UNC13C: variants seen among roughly 807,000 people sequenced by gnomAD.
The protein encoded by UNC13C is protein unc-13 homolog C.
UNC13C carries 174 observed loss-of-function variants against 245.4 expected under a neutral mutation model. The ratio of observed to expected loss-of-function variants is 0.71; its 90% CI spans 0.63 to 0.80. UNC13C has a LOEUF of 0.80. Among genes scored for constraint, UNC13C ranks in the 30% least tolerant of loss-of-function variants. UNC13C has a pLI of 0.00. For missense variants in UNC13C, 2,829 were observed against 2,602.9 expected (o/e 1.09, Z -1.89); for synonymous variants, 992 against 895.1 (o/e 1.11, Z -1.93).
intron 2 of UNC13C, among the ~76,000 whole-genome samples, chr15:54,081,637 A>C (rs910317171): frequency 6.6e-6 from 1 of 151,580 alleles, no homozygotes; most frequent in Admixed American, 6.6e-5. Context: ...TTCCATTTGC[A>C]TGAGAGATCT....
chr15:54,247,477 A>C (rs919243200), intron 7 of UNC13C, among the ~76,000 whole-genome samples: 3 of 152,212 alleles, frequency 2.0e-5, no homozygotes, highest in African/African-American at 7.2e-5. Context: ...TTCCTAAACT[A>C]TCAACTCAAC....
At chr15:54,246,563 T>C (rs1295576060) in intron 7 of UNC13C, among the ~76,000 whole-genome samples, 1 of 152,216 alleles carries the variant, frequency 6.6e-6, no homozygotes, top group Non-Finnish European at 1.5e-5. Flanking sequence ...TTTTATAAAT[T>C]ATTTTTACAA....
chr15:54,001,371 T>G (rs1441603353), intron 1 of UNC13C, among the ~76,000 whole-genome samples: 2 of 143,202 alleles, frequency 1.4e-5, no homozygotes, highest in African/African-American at 6.1e-5. Context: ...AGCTCCTGTC[T>G]GGGAATTTAA....
the UNC13C span, among the ~76,000 whole-genome samples, chr15:53,858,842 A>G: frequency 6.6e-6 from 1 of 152,118 alleles, no homozygotes; most frequent in Non-Finnish European, 1.5e-5. Flanking sequence ...TCATTTTAAT[A>G]CTCAAAATAT....
At chr15:54,150,306 G>A (rs2141249096) in intron 4 of UNC13C, among the ~76,000 whole-genome samples, 1 of 152,322 alleles carries the variant, frequency 6.6e-6, no homozygotes, top group South Asian at 2.1e-4. Context: ...CTTGGCCAGT[G>A]TTGGGCACAA....
At chr15:54,126,383 C>T (rs574624508) in intron 2 of UNC13C, among the ~76,000 whole-genome samples, 78 of 152,134 alleles carry the variant, frequency 5.1e-4, no homozygotes, top group African/African-American at 1.7e-3. Flanking sequence ...CAAAGAGGCA[C>T]ATTATATAAT....
intron 19 of UNC13C, among the ~76,000 whole-genome samples, chr15:54,446,348 G>A (rs1890813326): frequency 6.6e-6 from 1 of 152,176 alleles, no homozygotes; most frequent in Admixed American, 6.5e-5. Flanking sequence ...TTGGTACCTT[G>A]TTGGGGATGG....
chr15:53,975,772 G>C (rs1218293658), upstream of UNC13C, among the ~76,000 whole-genome samples: 1 of 152,200 alleles, frequency 6.6e-6, no homozygotes, highest in Non-Finnish European at 1.5e-5. Context: ...GGGTATGAGA[G>C]GTGAATGGTA....
intron 2 of UNC13C, among the ~76,000 whole-genome samples, chr15:54,061,635 A>T (rs536839185): frequency 9.2e-5 from 14 of 152,286 alleles, no homozygotes; most frequent in African/African-American, 3.4e-4. Flanking sequence ...GAGAGAGCAA[A>T]GGAAAGAAGA....
chr15:54,281,067 G>A (rs2036983836), intron 10 of UNC13C, among the ~76,000 whole-genome samples: 1 of 151,796 alleles, frequency 6.6e-6, no homozygotes, highest in African/African-American at 2.4e-5. Context: ...CAAAGTGCTG[G>A]GATTACAGGA....
intron 2 of UNC13C, among the ~76,000 whole-genome samples, chr15:54,089,651 T>C (rs1595838664): frequency 7.6e-6 from 1 of 131,234 alleles, no homozygotes; most frequent in African/African-American, 2.7e-5. Context: ...TGGTTATTGC[T>C]TCCAATATCT....
chr15:54,103,413 A>G (rs542048600), intron 2 of UNC13C, among the ~76,000 whole-genome samples: 1 of 152,314 alleles, frequency 6.6e-6, no homozygotes, highest in South Asian at 2.1e-4. Context: ...GATGAATAAT[A>G]TTTCTTCTAA....
At chr15:54,575,120 C>A (rs1209694109) in intron 30 of UNC13C, among the ~76,000 whole-genome samples, 1 of 152,180 alleles carries the variant, frequency 6.6e-6, no homozygotes, top group South Asian at 2.1e-4. Context: ...ACTGCAACCT[C>A]CACCTCCTGG....
chr15:53,846,689 A>T, the UNC13C span, among the ~76,000 whole-genome samples: 94 of 152,274 alleles, frequency 6.2e-4, no homozygotes, highest in East Asian at 1.9e-3. Context: ...ACAAATTTTT[A>T]AAAAAATTGT....
chr15:54,399,173 T>C (rs1200542945), intron 18 of UNC13C, among the ~76,000 whole-genome samples: 4 of 151,594 alleles, frequency 2.6e-5, no homozygotes, highest in Non-Finnish European at 4.4e-5. Flanking sequence ...AGGGGCATCA[T>C]TATTGGAGAT....
chr15:54,040,263 A>T (rs1896755801), intron 2 of UNC13C, among the ~76,000 whole-genome samples: 1 of 152,144 alleles, frequency 6.6e-6, no homozygotes, highest in Admixed American at 6.5e-5. Flanking sequence ...TGGGAGAGAG[A>T]CTAGGAGTCA....
chr15:54,300,522 T>C (rs952193556), intron 13 of UNC13C, 149 bp downstream of exon 13: 42 of 774,360 alleles, frequency 5.4e-5, no homozygotes, highest in Non-Finnish European at 8.1e-5. Context: ...TACTCTCTCT[T>C]ACAGCTGTAA....
At chr15:53,853,438 A>C in the UNC13C span, among the ~76,000 whole-genome samples, 1 of 152,080 alleles carries the variant, frequency 6.6e-6, no homozygotes, top group African/African-American at 2.4e-5. Context: ...TGTCCTTGCT[A>C]TTGTGAATAG....
intron 4 of UNC13C, among the ~76,000 whole-genome samples, chr15:54,210,374 A>G (rs2034843730): frequency 1.3e-5 from 2 of 151,824 alleles, no homozygotes; most frequent in Admixed American, 6.6e-5. Context: ...TATAACAAGC[A>G]TGGTCATAAA....
Sources: allele counts gnomAD v4.1 joint callset (sites outside exome capture counted in the v4.1 genomes callset), GRCh38; gene constraint gnomAD v4.1.1; transcripts MANE v1.5; gene names NCBI Gene and HGNC (gene_info 2026-07-23, HGNC 2026-07-21).